CD4: variants seen among roughly 807,000 people sequenced by gnomAD.
CD4 encodes the protein T-cell surface glycoprotein CD4.
A neutral mutation model predicts 50.5 loss-of-function variants in CD4; 25 were observed. That is an observed-to-expected ratio of 0.49 (90% CI 0.36 to 0.69). The LOEUF (loss-of-function observed/expected upper bound fraction) is 0.69. CD4 is among the 30% of genes least tolerant of loss of function. The pLI, the probability that CD4 is intolerant of heterozygous loss-of-function variation, is 0.00. For synonymous variants in CD4, 207 were observed against 221.9 expected, an observed-to-expected ratio of 0.93 and a Z score of 0.60; for missense variants, 456 against 548.5, an observed-to-expected ratio of 0.83 and a Z score of 1.68.
chr12:6,817,312 C>A lies in CD4; in HGVS notation c.1138C>A (p.Leu380Met). 6.4e-7 allele frequency: 1 copy of A among 1,558,092 alleles called. No individual in the cohort carries two copies. The highest frequency in any genetic ancestry group is 8.7e-7 in the Non-Finnish European group (1 of 1,149,994). The change falls in exon 7 of 10, where the codon CTG (leucine) becomes ATG (methionine). Residue 380 changes from leucine (L) to methionine (M), a missense_variant. Physicochemically the swap from Leu to Met is conservative, Grantham distance 15 (BLOSUM62 2). Transcript: ENST00000011653. ...GCTGAGTGACTCGGGACAGGTCCTG[C>A]TGGAATCCAACATCAAGGGTAAGGA... ...CLLSDSGQVLLESNIKVLPTW... is the reference protein window; with the variant it reads ...CLLSDSGQVLMESNIKVLPTW...
intron 3 of CD4, among the ~76,000 whole-genome samples, chr12:6,812,140 C>G (rs782669530): frequency 1.3e-3 from 205 of 152,162 alleles, no homozygotes; most frequent in African/African-American, 4.7e-3. Flanking sequence ...TGGCTCACAC[C>G]TGCAATCCCA....
At position 6,806,345 on chromosome 12, in the gene CD4, CCCAGGCTG is replaced by C. The variant is rs28987668; in HGVS notation, c.214+5875_214+5882del. On this transcript the variant is annotated intron_variant, in intron 3 of 9. Coordinates refer to ENST00000011653, the MANE Select transcript of CD4 (RefSeq NM_000616.5). ...TTTGAGACAGAGTCTTGCTCTGTCACCCAGGCTGGGTGCACCTGTATTCCCAACGACAC... is the reference window on the plus strand; with the variant it reads ...TTTGAGACAGAGTCTTGCTCTGTCACGGTGCACCTGTATTCCCAACGACAC... Among the ~76,000 whole-genome samples the C allele has an allele frequency of 0.02, 3,058 of 151,680 alleles. 197 individuals are homozygous for C. In the East Asian group the frequency reaches 0.25, roughly 12 times the overall value.
rs933732736 is a variant in CD4, at chr12:6,818,149, A to G, written c.1157-272A>G. ...TTCACACACGCACACACATGCACAC[A>G]CTCACACATGCACACACACATGCAC... On this transcript the variant is annotated intron_variant, in intron 7 of 9. Transcript: ENST00000011653. The surrounding 1 kb of genome is among the most constrained non-coding windows in gnomAD (Gnocchi z 5.0). 6.6e-5 allele frequency among the ~76,000 whole-genome samples: 10 copies of G among 151,634 alleles called. No homozygotes were observed. The highest frequency in any genetic ancestry group is 1.9e-4 in the African/African-American group (8 of 41,222).
At chr12:6,796,179 G>A (rs2137844199) in intron 1 of CD4, among the ~76,000 whole-genome samples, 1 of 152,328 alleles carries the variant, frequency 6.6e-6, no homozygotes, top group South Asian at 2.1e-4. Context: ...TGGCCACACA[G>A]CTGGCTAGAC....
At position 6,792,617 on chromosome 12, in the gene CD4, C is replaced by T. The variant is rs1009141729; in HGVS notation, c.-68+2955C>T. Among the ~76,000 whole-genome samples the T allele has an allele frequency of 3.9e-5, 6 of 152,152 alleles. No homozygotes were observed. Among genetic ancestry groups the T allele is most frequent in the Non-Finnish European group, 7.4e-5 (5 of 68,022 alleles). On this transcript the variant is annotated intron_variant, in intron 1 of 9. Transcript: ENST00000011653. The surrounding 1 kb of genome is among the most constrained non-coding windows in gnomAD (Gnocchi z 4.1). ...CCCTTTGTCCATGTGTCCCTCCCACCCTGCAGCCGGCTCCCTCACATCCAC... is the reference window on the plus strand; with the variant it reads ...CCCTTTGTCCATGTGTCCCTCCCACTCTGCAGCCGGCTCCCTCACATCCAC...
chr12:6,791,518 C>G (rs1362259985), intron 1 of CD4, among the ~76,000 whole-genome samples: 2 of 152,190 alleles, frequency 1.3e-5, no homozygotes, highest in African/African-American at 4.8e-5. Flanking sequence ...GCTGGCATTA[C>G]AGACGTGAGC....
At chr12:6,793,692 CTATCTATCTAT>C (rs1942253934) in intron 1 of CD4, among the ~76,000 whole-genome samples, 1 of 54,288 alleles carries the variant, frequency 1.8e-5, no homozygotes, top group Non-Finnish European at 3.8e-5. Context: ...ATCTATCTAT[CTATCTATCTAT>C]CTTTTTTTTT....
chr12:6,791,055 C>T (rs935561897), intron 1 of CD4, among the ~76,000 whole-genome samples: 1 of 152,190 alleles, frequency 6.6e-6, no homozygotes, highest in African/African-American at 2.4e-5. Context: ...GCGTTAGAGA[C>T]ACTCGGGAGA....
Position 6,818,961 on chromosome 12 carries a change from GA to G in CD4, c.1346+48del, listed in dbSNP as rs869249278. ...TTGAGAGAGGGGAAAGGGGGAGGGG[GA>G]GGGAGTTAGAGAGGAGGGGGAGGAA... On this transcript the variant is annotated intron_variant, in intron 9 of 9. Coordinates refer to ENST00000011653, the MANE Select transcript of CD4 (RefSeq NM_000616.5). The surrounding 1 kb of genome is among the most constrained non-coding windows in gnomAD (Gnocchi z 5.0). 1 of 698,384 alleles carries G rather than the reference GA, an allele frequency of 1.4e-6. No individual in the cohort carries two copies. The highest frequency in any genetic ancestry group is 2.5e-6 in the Non-Finnish European group (1 of 396,802). The allele number at this position is 698,384 out of a possible 1,614,324, so 43.3% of individuals were successfully genotyped here.
At chr12:6,812,699 G>T (rs552218333) in intron 3 of CD4, among the ~76,000 whole-genome samples, 23 of 151,730 alleles carry the variant, frequency 1.5e-4, no homozygotes, top group Non-Finnish European at 2.8e-4. Context: ...AAAGCAAAGG[G>T]CATATAGTGA....
At chr12:6,806,554 G>A (rs1555116212) in intron 3 of CD4, among the ~76,000 whole-genome samples, 1 of 152,052 alleles carries the variant, frequency 6.6e-6, no homozygotes, top group African/African-American at 2.4e-5. Context: ...ACTTAGCAAA[G>A]GACTGGTATC....
At position 6,816,147 on chromosome 12, in the gene CD4, G is replaced by T. The variant is rs10849525; in HGVS notation, c.699G>T (p.Thr233=). The stretch of plus-strand genomic sequence containing the variant: ...TCGCCTTTACAGTTGAAAAGCTGAC[G>T]GGCAGTGGCGAGCTGTGGTGGCAGG... ...FPLAFTVEKL[T]GSGELWWQAE... The change falls in exon 6 of 10, where the codon ACG becomes ACT. Residue 233 remains threonine, a synonymous_variant. Coordinates refer to ENST00000011653, the MANE Select transcript of CD4 (RefSeq NM_000616.5). The surrounding 1 kb of genome is among the most constrained non-coding windows in gnomAD (Gnocchi z 4.9). 4.0e-3 allele frequency: 6,494 copies of T among 1,614,150 alleles called. 185 individuals carry two copies. The African/African-American group carries it at 0.071, about 18-fold the overall frequency.
chr12:6,818,270 T>A lies in CD4; in HGVS notation c.1157-151T>A. 3.6e-6 allele frequency: 3 copies of A among 837,724 alleles called. No homozygotes were observed. The highest frequency in any genetic ancestry group is 5.6e-6 in the Non-Finnish European group (3 of 534,742). 51.9% of individuals were successfully genotyped at this position (837,724 alleles called of 1,614,324 possible). ...AAACATAAAACCGATTCCCCAGCAC[T>A]GGCGGCCTTTGAGAGCCCCCAGGCA... On this transcript the variant is annotated intron_variant, in intron 7 of 9. Coordinates refer to ENST00000011653, the MANE Select transcript of CD4 (RefSeq NM_000616.5). The surrounding 1 kb of genome is among the most constrained non-coding windows in gnomAD (Gnocchi z 5.0).
rs1292601149 is a variant in CD4 at position 6,790,606 on chromosome 12, G to A, written c.-68+944G>A. Among the ~76,000 whole-genome samples the A allele has an allele frequency of 3.9e-5, 6 of 152,204 alleles. No homozygotes were observed. The South Asian group carries it at 6.2e-4, about 16-fold the overall frequency. ...GGATGTGCAGCCCCTCCTGGGCCTGGCAGGGTGTGAGGGAGAGTGAGGACT... is the reference window on the plus strand; with the variant it reads ...GGATGTGCAGCCCCTCCTGGGCCTGACAGGGTGTGAGGGAGAGTGAGGACT... On this transcript the variant is annotated intron_variant, in intron 1 of 9. Transcript: ENST00000011653.
At chr12:6,794,393 A>G (rs1942299853) in intron 1 of CD4, among the ~76,000 whole-genome samples, 1 of 134,378 alleles carries the variant, frequency 7.4e-6, no homozygotes, top group African/African-American at 2.8e-5. Flanking sequence ...TTTTTTTGAG[A>G]TGGAGTCTCG....
intron 3 of CD4, among the ~76,000 whole-genome samples, chr12:6,808,863 T>C (rs1038477533): frequency 5.3e-5 from 8 of 152,216 alleles, no homozygotes; most frequent in Admixed American, 6.5e-5. Context: ...GCACATCTTG[T>C]CAGCACTGAG....
chr12:6,801,616 G>A (rs11064399), intron 3 of CD4, among the ~76,000 whole-genome samples: 127,371 of 150,488 alleles, frequency 0.85, 54,236 homozygotes, highest in African/African-American at 0.94. Context: ...GCTGGAGTGC[G>A]GTGGCGTGAT....
intron 3 of CD4, among the ~76,000 whole-genome samples, chr12:6,807,865 G>T (rs1357046863): frequency 6.6e-6 from 1 of 152,088 alleles, no homozygotes; most frequent in Admixed American, 6.6e-5. Context: ...TGGATGGCTT[G>T]AGTCCAGGAG....
chr12:6,814,050 AC>A, intron 3 of CD4, 91 bp from the exon 4 acceptor site: 1 of 1,110,024 alleles, frequency 9.0e-7, no homozygotes, highest in Non-Finnish European at 1.3e-6. Context: ...GAAATTAGCA[AC>A]TGATATCAGA....
Sources: allele counts gnomAD v4.1 joint callset (sites outside exome capture counted in the v4.1 genomes callset), GRCh38; gene constraint gnomAD v4.1.1; non-coding constraint Gnocchi (gnomAD v3.1); transcripts MANE v1.5; gene names NCBI Gene and HGNC (gene_info 2026-07-23, HGNC 2026-07-21).